Variants in ENSA observed in about 807,000 individuals in gnomAD.
ENSA encodes the protein endosulfine alpha, also known as alpha-endosulfine.
Under a neutral mutation model 16.8 loss-of-function variants are expected in ENSA, and 7 were observed. That is an observed-to-expected ratio of 0.42 (90% CI 0.24 to 0.78). The LOEUF is 0.78. ENSA is among the 30% of genes least tolerant of loss of function. The pLI is 0.29. For synonymous variants in ENSA, 58 were observed against 53.4 expected, an observed-to-expected ratio of 1.09 and a Z score of -0.37; for missense variants, 87 against 142.3, an observed-to-expected ratio of 0.61 and a Z score of 1.98.
At chr1:150,626,408 A>T in intron 2 of ENSA, 1 of 1,486,352 alleles carries the variant, frequency 6.7e-7, no homozygotes, top group Non-Finnish European at 9.4e-7. Context: ...GGTAAATGCA[A>T]ATCAGCATCA....
intron 2 of ENSA, chr1:150,626,657 C>T (rs1649342378): frequency 1.0e-5 from 6 of 582,308 alleles, no homozygotes; most frequent in East Asian, 3.7e-5. Context: ...CCCGGGTTCA[C>T]GCCATTCTCC....
At chr1:150,622,905 G>A (rs1649060020) in intron 3 of ENSA, 46 bp from the exon 4 acceptor site, 2 of 1,535,206 alleles carry the variant, frequency 1.3e-6, no homozygotes, top group East Asian at 4.9e-5. Flanking sequence ...ACACTGTCAA[G>A]TAATAGGGGA....
intron 1 of ENSA, 78 bp from the exon 2 acceptor site, chr1:150,627,670 T>C: frequency 6.9e-7 from 1 of 1,455,520 alleles, no homozygotes; most frequent in Non-Finnish European, 9.3e-7. Context: ...AACTATACTA[T>C]CAACTTCTCC....
At chr1:150,627,167 C>T (rs1018884330) in intron 2 of ENSA, 174 of 1,479,572 alleles carry the variant, frequency 1.2e-4, no homozygotes, top group Non-Finnish European at 1.5e-4. Flanking sequence ...CTCCAACATT[C>T]AAACAGGCAA....
chr1:150,624,831 C>G (rs1649188555), intron 3 of ENSA: 2 of 980,718 alleles, frequency 2.0e-6, no homozygotes, highest in Non-Finnish European at 2.4e-6. Flanking sequence ...ACATTTAACT[C>G]TATTTTACAG....
At chr1:150,623,415 T>A (rs1649091431) in intron 3 of ENSA, 1 of 985,752 alleles carries the variant, frequency 1.0e-6, no homozygotes, top group African/African-American at 1.7e-5. Flanking sequence ...AGCTTGTTTG[T>A]TTTCTTAGCC....
chr1:150,629,017 C>G (rs750468165), intron 1 of ENSA: 3 of 1,602,430 alleles, frequency 1.9e-6, no homozygotes, highest in Non-Finnish European at 2.6e-6. Context: ...CCTATCTTTG[C>G]GGATTGAGGC....
At chr1:150,621,582 T>A (rs1433165407), downstream of ENSA, 5 of 152,326 alleles carry the variant, frequency 3.3e-5, no homozygotes, top group African/African-American at 1.2e-4. Flanking sequence ...GCTGGAGTTT[T>A]TTCTCCTTTG....
At chr1:150,629,261 G>A in intron 1 of ENSA, 153 bp downstream of exon 1, 1 of 1,507,264 alleles carries the variant, frequency 6.6e-7, no homozygotes, top group South Asian at 1.2e-5. Context: ...CGCCAAAGCA[G>A]CATGTCGTGT....
chr1:150,627,415 G>A (rs779309902), intron 2 of ENSA, 52 bp downstream of exon 2: 17 of 1,614,048 alleles, frequency 1.1e-5, no homozygotes, highest in South Asian at 2.2e-5. Flanking sequence ...GACTTCATTC[G>A]AAGAACCTCC....
intron 2 of ENSA, among the ~76,000 whole-genome samples, chr1:150,626,217 G>A (rs2101743051): frequency 6.6e-6 from 1 of 152,280 alleles, no homozygotes. Context: ...TAAATATGGG[G>A]CTATCCTAGC....
intron 3 of ENSA, chr1:150,624,267 C>T: frequency 1.0e-5 from 10 of 985,956 alleles, no homozygotes; most frequent in Non-Finnish European, 1.2e-5. Context: ...TCTTCCTCCT[C>T]TCCCTCCCTA....
At chr1:150,629,386 T>G in intron 1 of ENSA, 28 bp downstream of exon 1, 1 of 1,608,236 alleles carries the variant, frequency 6.2e-7, no homozygotes, top group Non-Finnish European at 8.5e-7. Context: ...TCTCCCCAGC[T>G]CGCCCGCCCG....
intron 3 of ENSA, 186 bp downstream of exon 3, chr1:150,625,456 T>TA (rs1297290707): frequency 7.6e-7 from 1 of 1,312,166 alleles, no homozygotes; most frequent in Non-Finnish European, 9.7e-7. Context: ...AGTGTCAATC[T>TA]AACGAAATAA....
chr1:150,629,297 A>T, intron 1 of ENSA, 117 bp downstream of exon 1: 1 of 1,530,930 alleles, frequency 6.5e-7, no homozygotes, highest in Non-Finnish European at 8.8e-7. Context: ...GTGACGCAAA[A>T]AGTGGCCAAC....
In ENSA at chr1:150,629,560, G is replaced by C. The variant is rs1053826399; in HGVS notation, c.-90C>G. 6.6e-6 allele frequency: 10 copies of C among 1,507,290 alleles called. No individual in the cohort carries two copies. The African/African-American group carries it at 1.4e-4, about 21-fold the overall frequency. 93.4% of individuals were successfully genotyped at this position (1,507,290 alleles called of 1,614,324 possible). On this transcript the variant is annotated 5_prime_UTR_variant, in exon 1 of 4. Coordinates refer to ENST00000369014, the MANE Select transcript of ENSA (RefSeq NM_004436.4). ...GGAAACGGGGACAACCTGCGCTGCT[G>C]CTTCGGCTCCTGTCACTAGGGTTGC...
chr1:150,625,614 A>T (rs1649249329), intron 3 of ENSA, 28 bp downstream of exon 3: 1 of 1,564,296 alleles, frequency 6.4e-7, no homozygotes, highest in Non-Finnish European at 8.7e-7. Flanking sequence ...GTGGTTGAGG[A>T]AGGGGAGGAG....
chr1:150,625,963 T>C (rs993137546), intron 2 of ENSA, among the ~76,000 whole-genome samples, 155 bp from the exon 3 acceptor site: 4 of 152,228 alleles, frequency 2.6e-5, no homozygotes, highest in African/African-American at 9.7e-5. Flanking sequence ...AGTTTAACAT[T>C]AATTACATGT....
chr1:150,622,829 G>A lies in ENSA; in HGVS notation c.*15C>T, dbSNP rs371012312. On this transcript the variant is annotated 3_prime_UTR_variant, in exon 4 of 4. Transcript: ENST00000369014. The stretch of plus-strand genomic sequence containing the variant: ...AGGGGAAGCGTCTCAGGATCTGGCA[G>A]AGCCCCGGGCAGCATCATTCAACTT... 4.5e-6 allele frequency: 7 copies of A among 1,557,102 alleles called. No individual in the cohort carries two copies. The highest frequency in any genetic ancestry group is 4.1e-5 in the African/African-American group (3 of 72,854).
Sources: gnomAD v4.1 joint callset for allele counts (sites outside exome capture counted in the v4.1 genomes callset) on GRCh38, gnomAD v4.1.1 for gene constraint, MANE v1.5 for transcripts, NCBI Gene and HGNC (gene_info 2026-07-23, HGNC 2026-07-21) for gene names.